The following TENM3 variants were observed in gnomAD, a reference collection of about 807,000 sequenced individuals.
TENM3 encodes the protein teneurin transmembrane protein 3.
Under a neutral mutation model 255.1 loss-of-function variants are expected in TENM3, and 63 were observed. That is an observed-to-expected ratio of 0.25 (90% CI 0.20 to 0.30). The LOEUF (loss-of-function observed/expected upper bound fraction) is 0.30, where lower values mean the gene tolerates loss of function less well. TENM3 is among the 10% of genes least tolerant of loss of function. TENM3 has a pLI of 1.00. For synonymous variants in TENM3, 1,306 were observed against 1,322.3 expected, an observed-to-expected ratio of 0.99 and a Z score of 0.27; for missense variants, 2,929 against 3,461.1, an observed-to-expected ratio of 0.85 and a Z score of 3.86.
At chr4:181,518,393 T>C in the TENM3 span, among the ~76,000 whole-genome samples, 1 of 152,058 alleles carries the variant, frequency 6.6e-6, no homozygotes, top group East Asian at 1.9e-4. Context: ...TAGGTTTCGA[T>C]AGGACTTGTT....
chr4:181,594,007 T>TC, the TENM3 span, among the ~76,000 whole-genome samples: 23,236 of 150,154 alleles, frequency 0.15, 2,744 homozygotes, highest in African/African-American at 0.32. Context: ...TTTTTTTTTT[T>TC]ATAATGAAAT....
chr4:181,586,907 C>G, the TENM3 span, among the ~76,000 whole-genome samples: 11 of 151,974 alleles, frequency 7.2e-5, no homozygotes, highest in Non-Finnish European at 1.3e-4. Context: ...TTATTTTTTT[C>G]TTAAAAGAAA....
intron 3 of TENM3, among the ~76,000 whole-genome samples, chr4:182,356,281 T>G (rs1440174854): frequency 6.6e-6 from 1 of 152,128 alleles, no homozygotes; most frequent in African/African-American, 2.4e-5. Context: ...GGTGAGAGGA[T>G]GGCTTGAGCC....
At chr4:181,461,293 T>C in the TENM3 span, among the ~76,000 whole-genome samples, 3 of 152,138 alleles carry the variant, frequency 2.0e-5, no homozygotes, top group African/African-American at 7.2e-5. Context: ...TTCCTCTGTC[T>C]GCTTTTAAAC....
the TENM3 span, among the ~76,000 whole-genome samples, chr4:181,873,267 C>T: frequency 3.7e-4 from 56 of 152,062 alleles, no homozygotes; most frequent in African/African-American, 1.3e-3. Flanking sequence ...TGGGGTTTTA[C>T]CATGTTGGCC....
chr4:182,763,700 A>AT lies in TENM3; in HGVS notation c.4892+8441_4892+8442insT, dbSNP rs564537285. 4.9e-4 allele frequency among the ~76,000 whole-genome samples: 74 copies of AT among 152,352 alleles called. 2 individuals carry two copies. The South Asian group carries it at 0.015, about 31-fold the overall frequency. On this transcript the variant is annotated intron_variant, in intron 22 of 27. Transcript: ENST00000511685. ...TAGTAATAAAAGAAAGGTTACAGGA[A>AT]CCTTATATCTGGAGGAGCAGAATGT...
intron 3 of TENM3, among the ~76,000 whole-genome samples, chr4:182,401,926 AT>A (rs1184634213): frequency 6.6e-6 from 1 of 152,190 alleles, no homozygotes; most frequent in African/African-American, 2.4e-5. Flanking sequence ...CGTTATTACC[AT>A]TTCCACTTTG....
chr4:181,764,100 G>C, the TENM3 span, among the ~76,000 whole-genome samples: 1 of 152,074 alleles, frequency 6.6e-6, no homozygotes, highest in African/African-American at 2.4e-5. Context: ...ACAATATTCT[G>C]CTCCTCTAAA....
chr4:182,721,718 C>G (rs958596003), intron 13 of TENM3, among the ~76,000 whole-genome samples: 7 of 152,238 alleles, frequency 4.6e-5, no homozygotes, highest in South Asian at 2.1e-4. Flanking sequence ...CATAGTCTAT[C>G]TGTAATTATT....
chr4:181,836,672 A>G, the TENM3 span, among the ~76,000 whole-genome samples: 68 of 152,304 alleles, frequency 4.5e-4, 1 homozygote, highest in African/African-American at 1.6e-3. Context: ...TGCCTTAATA[A>G]CTTTAGCCTC....
chr4:182,177,963 T>G (rs570242443), intron 1 of TENM3, among the ~76,000 whole-genome samples: 3 of 137,426 alleles, frequency 2.2e-5, no homozygotes, highest in Non-Finnish European at 4.9e-5. Context: ...TTTTTGTTTT[T>G]TTTTTTTTTT....
the TENM3 span, among the ~76,000 whole-genome samples, chr4:181,568,417 C>T: frequency 6.6e-6 from 1 of 151,992 alleles, no homozygotes. Context: ...GTCTGGAATT[C>T]CTGACCTCAG....
At chr4:182,704,647 A>T (rs1460110933) in intron 12 of TENM3, among the ~76,000 whole-genome samples, 1 of 152,156 alleles carries the variant, frequency 6.6e-6, no homozygotes, top group Non-Finnish European at 1.5e-5. Context: ...AGGTGCATGT[A>T]AGAGGCAATG....
At chr4:182,743,065 G>A in intron 18 of TENM3, 105 bp from the exon 19 acceptor site, 1 of 1,221,828 alleles carries the variant, frequency 8.2e-7, no homozygotes, top group Non-Finnish European at 1.1e-6. Flanking sequence ...TCTTAATCCA[G>A]ACCTGACAGG....
chr4:181,907,969 A>G, the TENM3 span, among the ~76,000 whole-genome samples: 12 of 152,166 alleles, frequency 7.9e-5, no homozygotes, highest in East Asian at 2.3e-3. Context: ...TCTTGCACAT[A>G]AGGGTTTGTT....
the TENM3 span, among the ~76,000 whole-genome samples, chr4:182,014,977 C>T: frequency 7.2e-5 from 11 of 152,294 alleles, no homozygotes; most frequent in African/African-American, 2.6e-4. Flanking sequence ...AATATTCTTG[C>T]AAATAATCAA....
At chr4:181,886,495 TAAC>T in the TENM3 span, among the ~76,000 whole-genome samples, 1 of 152,208 alleles carries the variant, frequency 6.6e-6, no homozygotes, top group African/African-American at 2.4e-5. Flanking sequence ...ATTAATTAAA[TAAC>T]ATTTAAATCA....
intron 3 of TENM3, among the ~76,000 whole-genome samples, chr4:182,478,546 G>A (rs1016133877): frequency 1.3e-5 from 2 of 151,610 alleles, no homozygotes; most frequent in African/African-American, 4.8e-5. Context: ...AGCCCTCACC[G>A]TGAGTCTTCC....
the TENM3 span, among the ~76,000 whole-genome samples, chr4:181,711,025 T>A: frequency 6.6e-6 from 1 of 152,126 alleles, no homozygotes; most frequent in East Asian, 1.9e-4. Flanking sequence ...ATATAGTTAA[T>A]CCTCACCATT....
Sources: gnomAD v4.1 joint callset for allele counts (sites outside exome capture counted in the v4.1 genomes callset) on GRCh38, gnomAD v4.1.1 for gene constraint, MANE v1.5 for transcripts, NCBI Gene and HGNC (gene_info 2026-07-23, HGNC 2026-07-21) for gene names.